TJP1: variants seen among roughly 807,000 people sequenced by gnomAD.
TJP1 encodes the protein tight junction protein 1, also known as tight junction protein ZO-1.
TJP1 carries 43 observed loss-of-function variants against 194.2 expected under a neutral mutation model. The ratio of observed to expected loss-of-function variants is 0.22; its 90% CI spans 0.17 to 0.29. TJP1 has a LOEUF of 0.29. Ranked by LOEUF, TJP1 falls within the 10% of genes least tolerant of loss-of-function variation. The pLI is 1.00. For synonymous variants in TJP1, 801 were observed against 779.0 expected, an observed-to-expected ratio of 1.03 and a Z score of -0.47; for missense variants, 1,971 against 2,185.7, an observed-to-expected ratio of 0.90 and a Z score of 1.96.
At chr15:29,901,574 C>T (rs757998177) in intron 2 of TJP1, among the ~76,000 whole-genome samples, 1 of 152,170 alleles carries the variant, frequency 6.6e-6, no homozygotes, top group Non-Finnish European at 1.5e-5. Context: ...GTAATCCCAA[C>T]ACTTTGTGAG....
chr15:29,815,312 C>A lies in TJP1; in HGVS notation c.27+6690G>T, dbSNP rs187228757. ...TAGGATTAACTTTAAAATCTGTAAA[C>A]TATCCTAATGTCTATTTCTTTCTAC... On this transcript the variant is annotated intron_variant, in intron 1 of 27. Coordinates refer to ENST00000614355, the MANE Select transcript of TJP1 (RefSeq NM_001330239.4). Among the ~76,000 whole-genome samples, 39 of 152,308 alleles carry A rather than the reference C, an allele frequency of 2.6e-4. No homozygotes were observed. In the East Asian group the frequency reaches 3.9e-3, roughly 15 times the overall value.
chr15:29,730,690 T>A (rs1297024009), intron 15 of TJP1: 2 of 748,988 alleles, frequency 2.7e-6, no homozygotes, highest in Non-Finnish European at 2.4e-6. Context: ...GTCCAGCACC[T>A]ACGTCCTGTC....
intron 24 of TJP1, among the ~76,000 whole-genome samples, chr15:29,710,346 G>C (rs1472282119): frequency 6.6e-6 from 1 of 152,174 alleles, no homozygotes; most frequent in African/African-American, 2.4e-5. Context: ...TCTGTGCTAG[G>C]AAAATGCCTG....
At chr15:29,786,349 T>C (rs573269081) in intron 2 of TJP1, among the ~76,000 whole-genome samples, 1 of 152,340 alleles carries the variant, frequency 6.6e-6, no homozygotes, top group African/African-American at 2.4e-5. Flanking sequence ...TCTATAAAAT[T>C]AGCCTCACCA....
chr15:29,822,753 A>C (rs1387509269), upstream of TJP1: 1 of 152,596 alleles, frequency 6.6e-6, no homozygotes, highest in Non-Finnish European at 1.5e-5. Context: ...TTTCCTTAAG[A>C]GACTTGTCCA....
chr15:29,923,511 C>A (rs1288337048), intron 2 of TJP1, among the ~76,000 whole-genome samples: 3 of 152,154 alleles, frequency 2.0e-5, no homozygotes, highest in African/African-American at 7.2e-5. Flanking sequence ...CATGCTACAA[C>A]ATGGATGAAC....
intron 2 of TJP1, among the ~76,000 whole-genome samples, chr15:29,782,737 C>A (rs183636022): frequency 2.3e-4 from 35 of 152,058 alleles, no homozygotes; most frequent in Non-Finnish European, 4.3e-4. Context: ...GCAAAAGAAA[C>A]CATCAAAAGA....
At chr15:29,703,885 C>A (rs766705098) in intron 27 of TJP1, among the ~76,000 whole-genome samples, 2 of 152,152 alleles carry the variant, frequency 1.3e-5, no homozygotes, top group Non-Finnish European at 2.9e-5. Flanking sequence ...TCAGGTAATC[C>A]ACTTGCCTCA....
chr15:29,957,335 A>G (rs1488658916), intron 1 of TJP1, among the ~76,000 whole-genome samples: 1 of 152,210 alleles, frequency 6.6e-6, no homozygotes, highest in East Asian at 1.9e-4. Context: ...AAACATTTGA[A>G]GGGTATAAAA....
At chr15:29,819,484 G>A (rs949349654) in intron 1 of TJP1, among the ~76,000 whole-genome samples, 2 of 152,128 alleles carry the variant, frequency 1.3e-5, no homozygotes, top group African/African-American at 2.4e-5. Context: ...TAATACTGAT[G>A]ATCATAATTA....
Position 29,704,158 on chromosome 15 carries a change from A to G in TJP1, c.5212+4T>C. On this transcript the variant is annotated splice_donor_region_variant and intron_variant, in intron 27 of 27. Transcript: ENST00000614355. Reference sequence around the variant, plus strand: ...TCCCAAAGGACAGAGTGAAGACAGCATACCCGACGAGGAGTCGGATGATTT... The same window carrying G: ...TCCCAAAGGACAGAGTGAAGACAGCGTACCCGACGAGGAGTCGGATGATTT... 1 of 1,554,046 alleles carries G rather than the reference A, an allele frequency of 6.4e-7. No individual in the cohort carries two copies. Among genetic ancestry groups the G allele is most frequent in the Non-Finnish European group, 8.7e-7 (1 of 1,147,870 alleles).
At chr15:29,721,430 C>T (rs891753459) in intron 18 of TJP1, among the ~76,000 whole-genome samples, 5 of 152,120 alleles carry the variant, frequency 3.3e-5, no homozygotes, top group East Asian at 1.9e-4. Flanking sequence ...CTTCCCCTTC[C>T]GCCACGATTG....
chr15:29,939,783 T>C (rs1027357504), intron 2 of TJP1, among the ~76,000 whole-genome samples: 1 of 152,202 alleles, frequency 6.6e-6, no homozygotes, highest in Admixed American at 6.5e-5. Flanking sequence ...GAGAGCTTGT[T>C]TGCCCTTTCA....
At chr15:29,831,552 G>T (rs1163792569) in intron 2 of TJP1, among the ~76,000 whole-genome samples, 1 of 152,138 alleles carries the variant, frequency 6.6e-6, no homozygotes, top group Admixed American at 6.5e-5. Context: ...GGCCTATATA[G>T]GAAAAGAGAC....
At chr15:29,897,301 G>A (rs1016180919) in intron 2 of TJP1, among the ~76,000 whole-genome samples, 1 of 152,202 alleles carries the variant, frequency 6.6e-6, no homozygotes, top group South Asian at 2.1e-4. Flanking sequence ...TGGCAGCTTC[G>A]ATGTGGTGTT....
intron 1 of TJP1, among the ~76,000 whole-genome samples, chr15:29,819,333 C>G (rs1020892161): frequency 2.6e-5 from 4 of 151,268 alleles, no homozygotes; most frequent in African/African-American, 9.7e-5. Context: ...AGTTTTCCAC[C>G]TTGCTGGCTA....
At chr15:29,801,376 C>T (rs1337228822) in intron 1 of TJP1, among the ~76,000 whole-genome samples, 1 of 152,130 alleles carries the variant, frequency 6.6e-6, no homozygotes, top group Non-Finnish European at 1.5e-5. Flanking sequence ...GCAGTAAGAG[C>T]TCCAATACAG....
rs78480265 is a variant in TJP1, at chr15:29,796,249, G to A, written c.84+4397C>T. Among the ~76,000 whole-genome samples, 13 of 151,516 alleles carry A rather than the reference G, an allele frequency of 8.6e-5. No individual in the cohort carries two copies. The East Asian group carries it at 1.9e-3, about 23-fold the overall frequency. On this transcript the variant is annotated intron_variant, in intron 2 of 27. Coordinates refer to ENST00000614355, the MANE Select transcript of TJP1 (RefSeq NM_001330239.4). ...GGGAAAAAAACTGCCTCTATACACAGATGACATGACTGCCTACACATAGGA... is the reference window on the plus strand; with the variant it reads ...GGGAAAAAAACTGCCTCTATACACAAATGACATGACTGCCTACACATAGGA...
intron 19 of TJP1, 77 bp from the exon 20 acceptor site, chr15:29,720,093 G>A (rs1051928338): frequency 3.3e-6 from 5 of 1,498,820 alleles, no homozygotes; most frequent in Middle Eastern, 3.8e-4. Context: ...ATAGTGATTG[G>A]TAGACATACA....
Sources: allele counts gnomAD v4.1 joint callset (sites outside exome capture counted in the v4.1 genomes callset), GRCh38; gene constraint gnomAD v4.1.1; transcripts MANE v1.5; gene names NCBI Gene and HGNC (gene_info 2026-07-23, HGNC 2026-07-21).